Variants in SLC35F1 observed in about 807,000 individuals in gnomAD.
The protein encoded by SLC35F1 is chromosome 6 open reading frame 169.
A neutral mutation model predicts 48.7 loss-of-function variants in SLC35F1; 14 were observed. That is an observed-to-expected ratio of 0.29 (90% CI 0.19 to 0.45). SLC35F1 has a LOEUF of 0.45. Among genes scored for constraint, SLC35F1 ranks in the 20% least tolerant of loss-of-function variants. The pLI is 1.00. For synonymous variants in SLC35F1, 190 were observed against 202.2 expected (o/e 0.94, Z 0.51); for missense variants, 404 against 500.0 (o/e 0.81, Z 1.83).
chr6:117,919,255 G>A (rs1775866190), intron 1 of SLC35F1, among the ~76,000 whole-genome samples: 1 of 152,154 alleles, frequency 6.6e-6, no homozygotes, highest in Non-Finnish European at 1.5e-5. Flanking sequence ...GAGTGATGGT[G>A]TCCCCTTTAG....
chr6:118,163,027 G>A (rs758732304), intron 2 of SLC35F1, among the ~76,000 whole-genome samples: 4 of 149,634 alleles, frequency 2.7e-5, no homozygotes, highest in Non-Finnish European at 5.9e-5. Context: ...GTGCGATCTC[G>A]AGAGGCTCAC....
chr6:117,992,338 TTA>T (rs1776929967), intron 1 of SLC35F1, among the ~76,000 whole-genome samples: 1 of 152,198 alleles, frequency 6.6e-6, no homozygotes, highest in South Asian at 2.1e-4. Flanking sequence ...CCAAAAATCG[TTA>T]TGATTCTGTA....
intron 2 of SLC35F1, among the ~76,000 whole-genome samples, chr6:118,227,330 G>A (rs1775231678): frequency 6.6e-6 from 1 of 152,192 alleles, no homozygotes; most frequent in Admixed American, 6.5e-5. Flanking sequence ...TCCTCAAGAG[G>A]AGTTGCTCAA....
At chr6:118,092,325 T>C (rs943920737) in intron 1 of SLC35F1, among the ~76,000 whole-genome samples, 4 of 152,046 alleles carry the variant, frequency 2.6e-5, no homozygotes, top group African/African-American at 9.7e-5. Context: ...GTTGAGCCTG[T>C]AGGAATAAAG....
At chr6:118,255,203 C>G (rs576535113) in intron 3 of SLC35F1, among the ~76,000 whole-genome samples, 4 of 152,286 alleles carry the variant, frequency 2.6e-5, no homozygotes, top group African/African-American at 9.6e-5. Context: ...GTGATCACAT[C>G]CTGGCTCTGA....
At chr6:118,070,956 C>A (rs1377980795) in intron 1 of SLC35F1, among the ~76,000 whole-genome samples, 6 of 25,770 alleles carry the variant, frequency 2.3e-4, no homozygotes, top group African/African-American at 9.3e-4. Flanking sequence ...TATATATATA[C>A]TGTGTATATA....
intron 1 of SLC35F1, among the ~76,000 whole-genome samples, chr6:118,017,349 CT>C (rs1157878886): frequency 6.6e-6 from 1 of 152,058 alleles, no homozygotes; most frequent in Non-Finnish European, 1.5e-5. Flanking sequence ...TTTTTTTGTC[CT>C]TTTTTCACAT....
chr6:118,080,692 T>A (rs73525682), intron 1 of SLC35F1, among the ~76,000 whole-genome samples: 1 of 152,150 alleles, frequency 6.6e-6, no homozygotes, highest in Non-Finnish European at 1.5e-5. Flanking sequence ...CTCGTTTGAT[T>A]GAAATAGTGA....
intron 3 of SLC35F1, among the ~76,000 whole-genome samples, chr6:118,236,825 G>A (rs942297249): frequency 5.9e-5 from 9 of 152,212 alleles, no homozygotes; most frequent in African/African-American, 2.2e-4. Context: ...TGTTGGAAGA[G>A]ATACAAGGCA....
intron 1 of SLC35F1, among the ~76,000 whole-genome samples, chr6:118,118,587 G>A (rs573917517): frequency 1.3e-5 from 2 of 152,032 alleles, no homozygotes; most frequent in Non-Finnish European, 2.9e-5. Context: ...CATGCTTCAT[G>A]CCCATTTGTA....
intron 1 of SLC35F1, among the ~76,000 whole-genome samples, chr6:118,016,789 A>T (rs1165203180): frequency 6.6e-6 from 1 of 152,210 alleles, no homozygotes; most frequent in Admixed American, 6.5e-5. Context: ...TTAAAGACTC[A>T]CAGTAGCACT....
At chr6:118,303,910 T>G (rs1776282479) in intron 7 of SLC35F1, among the ~76,000 whole-genome samples, 1 of 152,186 alleles carries the variant, frequency 6.6e-6, no homozygotes, top group Admixed American at 6.6e-5. Context: ...AACATATGAA[T>G]TTTGGAGAGA....
intron 1 of SLC35F1, among the ~76,000 whole-genome samples, chr6:118,046,509 G>A (rs571233997): frequency 3.3e-5 from 5 of 152,086 alleles, no homozygotes; most frequent in Non-Finnish European, 5.9e-5. Context: ...AACAGCTTTC[G>A]TTTGAGTTTC....
intron 3 of SLC35F1, among the ~76,000 whole-genome samples, chr6:118,236,488 C>T (rs1262470665): frequency 6.6e-6 from 1 of 152,058 alleles, no homozygotes; most frequent in East Asian, 1.9e-4. Context: ...TGTCTATTTG[C>T]TTACGAACAA....
At chr6:118,053,636 C>T (rs12175368) in intron 1 of SLC35F1, among the ~76,000 whole-genome samples, 44,728 of 151,890 alleles carry the variant, frequency 0.29, 7,300 homozygotes, top group East Asian at 0.48. Context: ...GTATGGTTAA[C>T]ATTTCCCATA....
At chr6:117,998,331 C>T (rs1383681210) in intron 1 of SLC35F1, among the ~76,000 whole-genome samples, 2 of 150,272 alleles carry the variant, frequency 1.3e-5, no homozygotes, top group Non-Finnish European at 1.5e-5. Context: ...TAATGGGAGA[C>T]TTTAACACCC....
intron 2 of SLC35F1, among the ~76,000 whole-genome samples, chr6:118,186,055 G>C (rs909251515): frequency 2.0e-5 from 3 of 152,162 alleles, no homozygotes; most frequent in African/African-American, 4.8e-5. Context: ...AGGTTGAGCA[G>C]AGTGAGTCTT....
At chr6:118,172,334 C>T (rs1774418417) in intron 2 of SLC35F1, among the ~76,000 whole-genome samples, 2 of 152,076 alleles carry the variant, frequency 1.3e-5, no homozygotes, top group Non-Finnish European at 2.9e-5. Context: ...AAGGTTATGC[C>T]CTTCAGCCAA....
chr6:118,300,499 TA>T (rs1398253094), intron 7 of SLC35F1, among the ~76,000 whole-genome samples: 1 of 152,194 alleles, frequency 6.6e-6, no homozygotes, highest in African/African-American at 2.4e-5. Flanking sequence ...TACCCATTTT[TA>T]TAATCACAAA....
Sources: gnomAD v4.1 joint callset for allele counts (sites outside exome capture counted in the v4.1 genomes callset) on GRCh38, gnomAD v4.1.1 for gene constraint, MANE v1.5 for transcripts, NCBI Gene and HGNC (gene_info 2026-07-23, HGNC 2026-07-21) for gene names.